Variants in CANT1 observed in about 807,000 individuals in gnomAD.
CANT1 encodes the protein soluble calcium-activated nucleotidase 1.
In CANT1, 26 loss-of-function variants were observed where a neutral mutation model predicts 30.0. That is an observed-to-expected ratio of 0.87 (90% CI 0.64 to 1.20). CANT1 has a LOEUF of 1.20. CANT1 is among the 50% of genes most tolerant of loss of function. CANT1 has a pLI of 0.00. For synonymous variants in CANT1, 246 were observed against 251.8 expected (o/e 0.98, Z 0.22); for missense variants, 518 against 563.0 (o/e 0.92, Z 0.81).
In CANT1 at chr17:78,997,170, A is replaced by G. The variant is rs1232571750; in HGVS notation, c.453T>C (p.His151=). 5.0e-5 allele frequency: 81 copies of G among 1,614,132 alleles called. No individual in the cohort carries two copies. Among genetic ancestry groups the G allele is most frequent in the Non-Finnish European group, 6.8e-5 (80 of 1,180,040 alleles). Residue 151 remains histidine (H), a synonymous_variant, in exon 3 of 5, where the codon CAT becomes CAC. Coordinates refer to ENST00000392446, the MANE Select transcript of CANT1 (RefSeq NM_001159773.2). The surrounding 1 kb of genome is among the most constrained non-coding windows in gnomAD (Gnocchi z 7.5). ...DKVAVEWDKD[H]GVLESHLAEK... ...CCGCCAGGTGGGACTCCAGGACCCC[A>G]TGGTCTTTGTCCCATTCCACGGCCA...
Position 78,997,419 on chromosome 17 carries a change from C to A in CANT1, c.204G>T (p.Arg68Ser). ...LLCSHRPAPG[R>S]PPTHNAHNWR... ...AGTTGTGTGCATTGTGGGTGGGGGG[C>A]CTGCCGGGGGCCGGGCGGTGGGAGC... Residue 68 changes from arginine to serine, a missense_variant, in exon 3 of 5, where the codon AGG becomes AGT. By Grantham distance (110) the Arg-to-Ser change is moderately radical. This residue lies in a region of CANT1 where 249 missense variants were observed against 268.8 expected (regional missense o/e 0.93). Transcript: ENST00000392446. The surrounding 1 kb of genome is among the most constrained non-coding windows in gnomAD (Gnocchi z 7.5). The A allele has an allele frequency of 6.2e-7, 1 of 1,608,666 alleles. No individual in the cohort carries two copies. The highest frequency in any genetic ancestry group is 8.5e-7 in the Non-Finnish European group (1 of 1,176,606).
Position 78,997,493 on chromosome 17 carries a change from T to C in CANT1, c.130A>G (p.Lys44Glu). The C allele has an allele frequency of 6.3e-7, 1 of 1,582,884 alleles. No individual in the cohort carries two copies. ...AADPRFRPRW[K>E]VILTFFVGAA... is the part of the protein sequence containing the mutation. Reference sequence around the variant, plus strand: ...CCCACAAAGAACGTCAGGATCACCTTCCAGCGGGGGCGGAAGCGGGGGTCC... The same window carrying C: ...CCCACAAAGAACGTCAGGATCACCTCCCAGCGGGGGCGGAAGCGGGGGTCC... Residue 44 changes from lysine to glutamate, a missense_variant, in exon 3 of 5, where the codon AAG becomes GAG. Coordinates refer to ENST00000392446, the MANE Select transcript of CANT1 (RefSeq NM_001159773.2). The surrounding 1 kb of genome is among the most constrained non-coding windows in gnomAD (Gnocchi z 7.5).
chr17:79,006,765 G>A (rs965991340), intron 1 of CANT1, among the ~76,000 whole-genome samples: 1 of 152,180 alleles, frequency 6.6e-6, no homozygotes, highest in Non-Finnish European at 1.5e-5. Flanking sequence ...TGAAAATAAC[G>A]GGATGGGATC....
At chr17:78,999,518 G>A (rs1042261070) in intron 1 of CANT1, among the ~76,000 whole-genome samples, 3 of 151,984 alleles carry the variant, frequency 2.0e-5, no homozygotes, top group Non-Finnish European at 2.9e-5. Context: ...ATAGGGCCTC[G>A]CTCTGTTGCC....
At position 79,002,806 on chromosome 17, in the gene CANT1, G is replaced by T. The variant is rs35356398; in HGVS notation, c.-146-4843C>A. On this transcript the variant is annotated intron_variant, in intron 1 of 4. Transcript: ENST00000392446. The surrounding 1 kb of genome is among the most constrained non-coding windows in gnomAD (Gnocchi z 4.0). The stretch of plus-strand genomic sequence containing the variant: ...AATGCCTTCCATCTGAAGGACAAAC[G>T]TCTCAGCCTGCAGAGAAAGCCTCAG... 1.2e-4 allele frequency among the ~76,000 whole-genome samples: 19 copies of T among 152,224 alleles called. No individual in the cohort carries two copies. The highest frequency in any genetic ancestry group is 2.8e-4 in the Non-Finnish European group (19 of 68,034).
At chr17:79,005,540 C>G (rs1235988387) in intron 1 of CANT1, 1 of 152,108 alleles carries the variant, frequency 6.6e-6, no homozygotes, top group Non-Finnish European at 1.5e-5. Context: ...GGCTGCCAGG[C>G]TCCTCCCTTT....
At position 78,992,815 on chromosome 17, in the gene CANT1, A is replaced by C; in HGVS notation, c.*735T>G. On this transcript the variant is annotated 3_prime_UTR_variant, in exon 5 of 5. Transcript: ENST00000392446. ...GTGCTCTGTGTGATAAGATTTGGTGATTCCACTTTATAAGAAAGGAAACTG... is the reference window on the plus strand; with the variant it reads ...GTGCTCTGTGTGATAAGATTTGGTGCTTCCACTTTATAAGAAAGGAAACTG... 1 of 428,406 alleles carries C rather than the reference A, an allele frequency of 2.3e-6. No individual in the cohort carries two copies. Among genetic ancestry groups the C allele is most frequent in the Non-Finnish European group, 4.6e-6 (1 of 218,440 alleles). The allele number at this position is 428,406 out of a possible 1,614,324, so 26.5% of individuals were successfully genotyped here.
rs2071027393 is a variant in CANT1, at chr17:78,996,128, T to C, written c.631+864A>G. Among the ~76,000 whole-genome samples, 1 of 152,160 alleles carries C rather than the reference T, an allele frequency of 6.6e-6. No individual in the cohort carries two copies. The highest frequency in any genetic ancestry group is 1.5e-5 in the Non-Finnish European group (1 of 68,016). ...CCAACGCCTCAGTTGATACCTCAGG[T>C]GAGGTCCGTCCCCTGCCCAGCCCTG... On this transcript the variant is annotated intron_variant, in intron 3 of 4. Coordinates refer to ENST00000392446, the MANE Select transcript of CANT1 (RefSeq NM_001159773.2). The surrounding 1 kb of genome is among the most constrained non-coding windows in gnomAD (Gnocchi z 5.1).
Position 78,997,844 on chromosome 17 carries a change from A to C in CANT1, c.-27T>G. ...TCTAGCAGTATCTTTGCTTACTTTC[A>C]TTCGGCAAGACGTGAAGTCTTTCCA... is the stretch of plus-strand genomic sequence containing the variant. On this transcript the variant is annotated 5_prime_UTR_variant, in exon 2 of 5. The change abolishes an upstream ATG in the 5' untranslated region. Coordinates refer to ENST00000392446, the MANE Select transcript of CANT1 (RefSeq NM_001159773.2). The surrounding 1 kb of genome is among the most constrained non-coding windows in gnomAD (Gnocchi z 7.5). The C allele has an allele frequency of 2.1e-6, 1 of 472,122 alleles. No individual in the cohort carries two copies. The highest frequency in any genetic ancestry group is 3.2e-5 in the East Asian group (1 of 31,440). 29.2% of individuals were successfully genotyped at this position (472,122 alleles called of 1,614,324 possible). A position where few individuals can be genotyped will look rare whatever the true frequency, so the allele number is the denominator to read the frequency against.
intron 1 of CANT1, among the ~76,000 whole-genome samples, chr17:78,999,642 ATTT>A (rs35755919): frequency 3.1e-5 from 3 of 97,324 alleles, no homozygotes; most frequent in South Asian, 4.3e-4. Context: ...CGCACAGCGA[ATTT>A]TTTTTTTTTT....
rs780145168 is a variant in CANT1, at chr17:78,993,640, G to C, written c.1116C>G (p.Ser372=). 6.2e-7 allele frequency: 1 copy of C among 1,614,266 alleles called. No homozygotes were observed. Among genetic ancestry groups the C allele is most frequent in the Non-Finnish European group, 8.5e-7 (1 of 1,180,052 alleles). The part of the protein sequence containing the change: ...KSEEDSGRVA[S]YIMAFTLDGR... ...CGTCCAGCGTGAAGGCCATGATGTA[G>C]GAGGCGACTCTGCCGCTGTCCTCCT... Residue 372 remains serine (S), a synonymous_variant, in exon 5 of 5, where the codon TCC becomes TCG. Transcript: ENST00000392446. This position sits in a 1 kb window ranked among gnomAD's most constrained non-coding sequence, Gnocchi z 4.5.
At chr17:79,000,623 C>G (rs1239734736) in intron 1 of CANT1, among the ~76,000 whole-genome samples, 1 of 152,186 alleles carries the variant, frequency 6.6e-6, no homozygotes, top group Admixed American at 6.5e-5. Context: ...CCGCTCAGCC[C>G]TCACACTGTA....
chr17:79,007,825 A>G (rs532992115), intron 1 of CANT1, among the ~76,000 whole-genome samples: 7 of 152,342 alleles, frequency 4.6e-5, no homozygotes, highest in African/African-American at 1.7e-4. Flanking sequence ...GCCTAAGGGG[A>G]AGAAAGGAGA....
In CANT1 at chr17:78,993,149, C is replaced by G. The variant is rs1316376489; in HGVS notation, c.*401G>C. 5.7e-6 allele frequency: 2 copies of G among 349,996 alleles called. No individual in the cohort carries two copies. Among genetic ancestry groups the G allele is most frequent in the Admixed American group, 8.9e-5 (2 of 22,354 alleles). The allele number at this position is 349,996 out of a possible 1,614,324, so 21.7% of individuals were successfully genotyped here. On this transcript the variant is annotated 3_prime_UTR_variant, in exon 5 of 5. Coordinates refer to ENST00000392446, the MANE Select transcript of CANT1 (RefSeq NM_001159773.2). This position sits in a 1 kb window ranked among gnomAD's most constrained non-coding sequence, Gnocchi z 4.5. ...AAAGGGGGTGACCTGGGGTTCCCAG[C>G]AAACAGGTCCACCTCATGCTCACTG...
rs73999361 is a variant in CANT1, at chr17:78,995,590, C to G, written c.632-369G>C. On this transcript the variant is annotated intron_variant, in intron 3 of 4. Coordinates refer to ENST00000392446, the MANE Select transcript of CANT1 (RefSeq NM_001159773.2). This position sits in a 1 kb window ranked among gnomAD's most constrained non-coding sequence, Gnocchi z 5.7. ...GCCCTCGGCCACACCTGAGGTCTCA[C>G]CGAGCATCACTCTAACTCCAGTGGC... Among the ~76,000 whole-genome samples, 721 of 152,358 alleles carry G rather than the reference C, an allele frequency of 4.7e-3. 6 individuals carry two copies. Among genetic ancestry groups the G allele is most frequent in the African/African-American group, 0.016 (670 of 41,594 alleles).
chr17:78,997,517 C>T lies in CANT1; in HGVS notation c.106G>A (p.Asp36Asn). ...TTCCAGCGGGGGCGGAAGCGGGGGTCCGCGGCCTTGGTCATGGACGCCAGC... is the reference window on the plus strand; with the variant it reads ...TTCCAGCGGGGGCGGAAGCGGGGGTTCGCGGCCTTGGTCATGGACGCCAGC... The part of the protein sequence containing the change: ...PVLASMTKAA[D>N]PRFRPRWKVI... Residue 36 changes from aspartate to asparagine, a missense_variant, in exon 3 of 5, where the codon GAC (aspartate) becomes AAC (asparagine). Transcript: ENST00000392446. The surrounding 1 kb of genome is among the most constrained non-coding windows in gnomAD (Gnocchi z 7.5). The T allele has an allele frequency of 6.4e-7, 1 of 1,569,284 alleles. No individual in the cohort carries two copies.
chr17:78,995,334 G>A lies in CANT1; in HGVS notation c.632-113C>T, dbSNP rs1322226095. ...AGACCCCGCACCTGACTCCCGCCCG[G>A]CTCCACACCTGCCTCCCCTCCGGCC... On this transcript the variant is annotated intron_variant, in intron 3 of 4. Coordinates refer to ENST00000392446, the MANE Select transcript of CANT1 (RefSeq NM_001159773.2). This position sits in a 1 kb window ranked among gnomAD's most constrained non-coding sequence, Gnocchi z 5.7. The A allele has an allele frequency of 1.2e-5, 14 of 1,154,628 alleles. No homozygotes were observed. The highest frequency in any genetic ancestry group is 4.0e-5 in the Admixed American group (2 of 49,982). 71.5% of individuals were successfully genotyped at this position (1,154,628 alleles called of 1,614,324 possible). A position where few individuals can be genotyped will look rare whatever the true frequency, so the allele number is the denominator to read the frequency against.
In CANT1 at chr17:78,998,503, G is replaced by A. The variant is rs79818768; in HGVS notation, c.-146-540C>T. Among the ~76,000 whole-genome samples, 256 of 152,332 alleles carry A rather than the reference G, an allele frequency of 1.7e-3. 2 individuals carry two copies. The East Asian group carries it at 0.038, about 23-fold the overall frequency. ...CTCGGCTCACTGCGGGGCCTGGCTC[G>A]GCCGCAGGCCTCTCCCAGCTCACCC... On this transcript the variant is annotated intron_variant, in intron 1 of 4. Transcript: ENST00000392446. The surrounding 1 kb of genome is among the most constrained non-coding windows in gnomAD (Gnocchi z 4.5).
Position 78,993,870 on chromosome 17 carries a change from A to T in CANT1, c.886T>A (p.Phe296Ile), listed in dbSNP as rs1270910912. Residue 296 changes from phenylalanine to isoleucine, a missense_variant, in exon 5 of 5, where the codon TTC becomes ATC. Transcript: ENST00000392446. The surrounding 1 kb of genome is among the most constrained non-coding windows in gnomAD (Gnocchi z 4.5). Reference sequence around the variant, plus strand: ...TGGCTGGCGCGGCGCGGCAGGAAGAACCAGCGCTGCAGCGTGTCACTCCAG... The same window carrying T: ...TGGCTGGCGCGGCGCGGCAGGAAGATCCAGCGCTGCAGCGTGTCACTCCAG... ...ACWSDTLQRW[F>I]FLPRRASQER... 6.3e-7 allele frequency: 1 copy of T among 1,596,522 alleles called. No individual in the cohort carries two copies. The highest frequency in any genetic ancestry group is 8.5e-7 in the Non-Finnish European group (1 of 1,175,724).
Sources: gnomAD v4.1 joint callset for allele counts (sites outside exome capture counted in the v4.1 genomes callset) on GRCh38, gnomAD v4.1.1 for gene constraint, gnomAD v4.1.1 regional missense constraint, Gnocchi (gnomAD v3.1) non-coding constraint, MANE v1.5 for transcripts, NCBI Gene and HGNC (gene_info 2026-07-23, HGNC 2026-07-21) for gene names.